Variants in ZNF804A observed in about 807,000 individuals in gnomAD.
The protein encoded by ZNF804A is zinc finger protein 804A.
Under a neutral mutation model 16.5 loss-of-function variants are expected in ZNF804A, and 2 were observed. That is an observed-to-expected ratio of 0.12 (90% confidence interval 0.05 to 0.38). The LOEUF (loss-of-function observed/expected upper bound fraction) is 0.38, where lower values mean the gene tolerates loss of function less well. ZNF804A is among the 10% of genes least tolerant of loss of function. The pLI is 0.99. For synonymous variants in ZNF804A, 534 were observed against 489.6 expected (o/e 1.09, Z -1.20); for missense variants, 1,473 against 1,390.7 (o/e 1.06, Z -0.94).
At chr2:184,602,760 T>A (rs576560687) in intron 1 of ZNF804A, among the ~76,000 whole-genome samples, 37 of 151,780 alleles carry the variant, frequency 2.4e-4, no homozygotes, top group African/African-American at 9.0e-4. Flanking sequence ...TCACTGACTA[T>A]AGAATTCAAA....
chr2:184,679,935 C>T (rs1692509170), intron 1 of ZNF804A, among the ~76,000 whole-genome samples: 1 of 152,160 alleles, frequency 6.6e-6, no homozygotes, highest in Admixed American at 6.5e-5. Context: ...AAGGCCTGAG[C>T]TGGGCTGCCA....
intron 1 of ZNF804A, among the ~76,000 whole-genome samples, chr2:184,646,144 T>C (rs1188763629): frequency 1.3e-5 from 2 of 152,202 alleles, no homozygotes; most frequent in Admixed American, 6.5e-5. Flanking sequence ...CTCAGCAGCA[T>C]GACCACATGG....
At chr2:184,702,360 T>C (rs933457324) in intron 1 of ZNF804A, among the ~76,000 whole-genome samples, 16 of 152,092 alleles carry the variant, frequency 1.1e-4, no homozygotes, top group Non-Finnish European at 2.4e-4. Context: ...AGAAGTTATG[T>C]GCATTTCATA....
At chr2:184,797,980 G>C (rs540776497) in intron 1 of ZNF804A, among the ~76,000 whole-genome samples, 1 of 150,280 alleles carries the variant, frequency 6.7e-6, no homozygotes, top group African/African-American at 2.5e-5. Context: ...CTTAGTTTCA[G>C]TGTATACAAA....
At chr2:184,674,720 G>A (rs1420352413) in intron 1 of ZNF804A, among the ~76,000 whole-genome samples, 1 of 151,772 alleles carries the variant, frequency 6.6e-6, no homozygotes, top group Non-Finnish European at 1.5e-5. Context: ...AAAATTACAT[G>A]TTTTTCTGAA....
intron 2 of ZNF804A, among the ~76,000 whole-genome samples, chr2:184,912,973 C>T (rs1471895879): frequency 1.3e-5 from 2 of 151,994 alleles, no homozygotes; most frequent in African/African-American, 4.8e-5. Flanking sequence ...GTTGCTCATG[C>T]TTTTGGTGCT....
chr2:184,639,950 C>A (rs1488725055), intron 1 of ZNF804A, among the ~76,000 whole-genome samples: 1 of 151,896 alleles, frequency 6.6e-6, no homozygotes, highest in Admixed American at 6.6e-5. Flanking sequence ...TGCAGTGAGC[C>A]GAGATCGCAC....
chr2:184,869,386 T>C (rs1029260844), intron 2 of ZNF804A, among the ~76,000 whole-genome samples: 3 of 151,958 alleles, frequency 2.0e-5, no homozygotes, highest in Non-Finnish European at 4.4e-5. Flanking sequence ...TACAGAGATA[T>C]GATACCAAGG....
chr2:184,831,736 TAA>T (rs71011061), intron 1 of ZNF804A, among the ~76,000 whole-genome samples: 1 of 145,354 alleles, frequency 6.9e-6, no homozygotes. Context: ...TGGCCTCACT[TAA>T]AAAAAAAAAG....
chr2:184,809,660 A>G (rs943018051), intron 1 of ZNF804A, among the ~76,000 whole-genome samples: 1 of 151,914 alleles, frequency 6.6e-6, no homozygotes, highest in Non-Finnish European at 1.5e-5. Flanking sequence ...ATTTTATGGT[A>G]AAATAGTCAC....
chr2:184,826,740 G>C (rs1338658539), intron 1 of ZNF804A, among the ~76,000 whole-genome samples: 2 of 151,990 alleles, frequency 1.3e-5, no homozygotes, highest in Non-Finnish European at 2.9e-5. Flanking sequence ...AGAGAAACCT[G>C]TAAAAACACA....
intron 1 of ZNF804A, among the ~76,000 whole-genome samples, chr2:184,722,397 G>C (rs1361429360): frequency 6.6e-6 from 1 of 151,944 alleles, no homozygotes; most frequent in Non-Finnish European, 1.5e-5. Flanking sequence ...AGAATTTTGA[G>C]TTAAACATGG....
At chr2:184,603,959 G>A (rs929617378) in intron 1 of ZNF804A, among the ~76,000 whole-genome samples, 1 of 151,806 alleles carries the variant, frequency 6.6e-6, no homozygotes, top group Non-Finnish European at 1.5e-5. Context: ...ATTTGAATTA[G>A]TGTTATAACA....
At chr2:184,776,498 A>G (rs2105771469) in intron 1 of ZNF804A, among the ~76,000 whole-genome samples, 1 of 150,652 alleles carries the variant, frequency 6.6e-6, no homozygotes, top group Non-Finnish European at 1.5e-5. Context: ...TTTTTTGTAA[A>G]CCTCTGTGTA....
At chr2:184,715,020 C>T (rs1014433970) in intron 1 of ZNF804A, among the ~76,000 whole-genome samples, 3 of 152,122 alleles carry the variant, frequency 2.0e-5, no homozygotes, top group African/African-American at 4.8e-5. Context: ...AGCCTTCTTC[C>T]ATATAAGGCT....
chr2:184,707,070 G>A (rs1011621936), intron 1 of ZNF804A, among the ~76,000 whole-genome samples: 3 of 152,088 alleles, frequency 2.0e-5, no homozygotes, highest in African/African-American at 7.2e-5. Context: ...GCTGCCAATT[G>A]TCTACTGCTT....
At chr2:184,642,033 C>CA (rs1691803333) in intron 1 of ZNF804A, among the ~76,000 whole-genome samples, 1 of 152,140 alleles carries the variant, frequency 6.6e-6, no homozygotes, top group African/African-American at 2.4e-5. Context: ...CACACACACA[C>CA]ACATGCACAC....
chr2:184,845,157 G>A (rs1008700277), intron 1 of ZNF804A, among the ~76,000 whole-genome samples: 1 of 151,818 alleles, frequency 6.6e-6, no homozygotes, highest in Admixed American at 6.6e-5. Flanking sequence ...ATTAATCATA[G>A]TTACATTAAA....
rs986030823 is a variant in ZNF804A, at chr2:184,778,410, A to G, written c.112-87959A>G. 2.6e-5 allele frequency among the ~76,000 whole-genome samples: 4 copies of G among 151,584 alleles called. No individual in the cohort carries two copies. The East Asian group carries it at 7.8e-4, about 29-fold the overall frequency. On this transcript the variant is annotated intron_variant, in intron 1 of 3. Coordinates refer to ENST00000302277, the MANE Select transcript of ZNF804A (RefSeq NM_194250.2). ...GTTGGGTGTACATTATAGTGATGAG[A>G]GAGTCCATTAACAAACCGACACATA...
Sources: gnomAD v4.1 joint callset for allele counts (sites outside exome capture counted in the v4.1 genomes callset) on GRCh38, gnomAD v4.1.1 for gene constraint, MANE v1.5 for transcripts, NCBI Gene and HGNC (gene_info 2026-07-23, HGNC 2026-07-21) for gene names.